TSPAN18: variants seen among roughly 807,000 people sequenced by gnomAD.
TSPAN18 encodes tetraspanin 18, also known as tetraspanin-18.
In TSPAN18, 14 loss-of-function variants were observed where a neutral mutation model predicts 27.3. The ratio of observed to expected loss-of-function variants is 0.51; its 90% CI spans 0.34 to 0.80. The LOEUF is 0.80. Ranked by LOEUF, TSPAN18 falls within the 30% of genes least tolerant of loss-of-function variation. The pLI, the probability that TSPAN18 is intolerant of heterozygous loss-of-function variation, is 0.01. For missense variants in TSPAN18, 268 were observed against 323.9 expected (o/e 0.83, Z 1.32); for synonymous variants, 143 against 136.5 (o/e 1.05, Z -0.33).
intron 4 of TSPAN18, among the ~76,000 whole-genome samples, chr11:44,909,286 C>T (rs925470468): frequency 1.1e-4 from 16 of 152,132 alleles, no homozygotes; most frequent in African/African-American, 3.9e-4. Context: ...AGGGGGCCTG[C>T]GACCAAACTC....
chr11:44,896,889 TCTA>T (rs1440120510), intron 3 of TSPAN18, among the ~76,000 whole-genome samples: 2 of 152,106 alleles, frequency 1.3e-5, no homozygotes, highest in African/African-American at 4.8e-5. Context: ...TCAGTGTACG[TCTA>T]CTGAGTGGAT....
chr11:44,863,514 C>T (rs908475110), intron 3 of TSPAN18, among the ~76,000 whole-genome samples: 1 of 152,202 alleles, frequency 6.6e-6, no homozygotes, highest in East Asian at 1.9e-4. Context: ...GCACAAAGAC[C>T]AAGAGTTCTT....
chr11:44,810,856 G>T lies in TSPAN18; in HGVS notation c.-153+46344G>T, dbSNP rs139727539. ...ACTCCTGGGCTCAAGTGATCTGCCC[G>T]CCGTGGCCTCTCAAAGTGCTAGGAT... On this transcript the variant is annotated intron_variant, in intron 2 of 9. Coordinates refer to ENST00000520358, the MANE Select transcript of TSPAN18 (RefSeq NM_130783.5). Among the ~76,000 whole-genome samples the T allele has an allele frequency of 5.3e-3, 807 of 152,054 alleles. 3 individuals are homozygous for T. Among genetic ancestry groups the T allele is most frequent in the African/African-American group, 0.019 (781 of 41,458 alleles).
chr11:44,861,699 C>G (rs1857891162), intron 3 of TSPAN18, among the ~76,000 whole-genome samples: 1 of 151,044 alleles, frequency 6.6e-6, no homozygotes, highest in Admixed American at 6.6e-5. Context: ...CGCATGTGTC[C>G]CAGTTGGGAT....
At chr11:44,843,497 G>A (rs1857417676) in intron 2 of TSPAN18, among the ~76,000 whole-genome samples, 1 of 152,194 alleles carries the variant, frequency 6.6e-6, no homozygotes, top group African/African-American at 2.4e-5. Flanking sequence ...GAAGTTTCGG[G>A]CACCATTGTC....
intron 2 of TSPAN18, among the ~76,000 whole-genome samples, chr11:44,798,167 T>C (rs1200149799): frequency 6.6e-6 from 1 of 152,100 alleles, no homozygotes; most frequent in African/African-American, 2.4e-5. Flanking sequence ...CCTCCCACAC[T>C]CAGCTCTTAG....
At chr11:44,781,306 T>C (rs573476073) in intron 2 of TSPAN18, among the ~76,000 whole-genome samples, 2 of 152,350 alleles carry the variant, frequency 1.3e-5, no homozygotes, top group East Asian at 1.9e-4. Flanking sequence ...AGCTCTTCCA[T>C]GCAGGTCCAG....
chr11:44,834,256 G>C (rs1857216686), intron 2 of TSPAN18, among the ~76,000 whole-genome samples: 1 of 152,104 alleles, frequency 6.6e-6, no homozygotes, highest in African/African-American at 2.4e-5. Context: ...GGGCACCTCT[G>C]GCAAAAAGAC....
chr11:44,831,593 A>C (rs1857154919), intron 2 of TSPAN18, among the ~76,000 whole-genome samples: 1 of 152,182 alleles, frequency 6.6e-6, no homozygotes, highest in African/African-American at 2.4e-5. Context: ...AGCTTGGGTT[A>C]TCAGAGCATT....
chr11:44,837,164 G>T (rs1422686443), intron 2 of TSPAN18, among the ~76,000 whole-genome samples: 1 of 152,254 alleles, frequency 6.6e-6, no homozygotes, highest in Non-Finnish European at 1.5e-5. Context: ...TTACTGGAAA[G>T]GATTCACCAT....
At position 44,902,938 on chromosome 11, in the gene TSPAN18, C is replaced by A. The variant is rs1005232800; in HGVS notation, c.-10-3469C>A. 3.9e-5 allele frequency among the ~76,000 whole-genome samples: 6 copies of A among 152,288 alleles called. No individual in the cohort carries two copies. The South Asian group carries it at 6.2e-4, about 16-fold the overall frequency. ...CGAGGAGGATACGAATGACTGGAAG[C>A]ATGCCTTAGCCCAGCACCAGGCTTC... On this transcript the variant is annotated intron_variant, in intron 3 of 9. Transcript: ENST00000520358.
At position 44,773,272 on chromosome 11, in the gene TSPAN18, C is replaced by T. The variant is rs142413117; in HGVS notation, c.-153+8760C>T. Among the ~76,000 whole-genome samples, 1,257 of 151,966 alleles carry T rather than the reference C, an allele frequency of 8.3e-3. 13 individuals carry two copies. Among genetic ancestry groups the T allele is most frequent in the African/African-American group, 0.029 (1,195 of 41,482 alleles). ...TCTCTACTAAAAATATAAAATTAGC[C>T]GGGCGTGGTGGCACATGCCTGTAAT... is the stretch of plus-strand genomic sequence containing the variant. On this transcript the variant is annotated intron_variant, in intron 2 of 9. Coordinates refer to ENST00000520358, the MANE Select transcript of TSPAN18 (RefSeq NM_130783.5).
intron 9 of TSPAN18, 27 bp from the exon 10 acceptor site, chr11:44,929,104 G>A: frequency 6.2e-7 from 1 of 1,612,774 alleles, no homozygotes; most frequent in Non-Finnish European, 8.5e-7. Flanking sequence ...TGATAAGCCA[G>A]TTCCTGCTCT....
chr11:44,924,436 C>T (rs1200216069), intron 8 of TSPAN18, among the ~76,000 whole-genome samples: 1 of 152,150 alleles, frequency 6.6e-6, no homozygotes, highest in African/African-American at 2.4e-5. Flanking sequence ...TGGCTGGGAC[C>T]CTAGGCAACC....
rs1317322283 is a variant in TSPAN18, at chr11:44,926,682, C to A, written c.624C>A (p.Tyr208Ter). ...TCATCCCTCCCTCCCAGGGCTGTTA[C>A]ACGGTGATCCTCAACACCTTCGAGA... is the stretch of plus-strand genomic sequence containing the variant. ...RSLFLNKQGC[Y>*]TVILNTFETY... Residue 208 changes from tyrosine to a stop codon, truncating the protein, a stop_gained, in exon 9 of 10, where the codon TAC (tyrosine) becomes TAA (stop). Transcript: ENST00000520358. LOFTEE classifies it high-confidence loss of function. 6.2e-7 allele frequency: 1 copy of A among 1,614,024 alleles called. No homozygotes were observed. The highest frequency in any genetic ancestry group is 1.3e-5 in the African/African-American group (1 of 74,928).
intron 2 of TSPAN18, among the ~76,000 whole-genome samples, chr11:44,800,631 C>T (rs1856459256): frequency 6.6e-6 from 1 of 152,232 alleles, no homozygotes. Context: ...GCCAGAGCCC[C>T]TTTCTGGGCT....
chr11:44,764,943 T>G (rs1397879922), intron 2 of TSPAN18, among the ~76,000 whole-genome samples: 1 of 152,150 alleles, frequency 6.6e-6, no homozygotes, highest in Non-Finnish European at 1.5e-5. Flanking sequence ...TCGATAATCT[T>G]TTGGACAAAG....
chr11:44,772,620 G>A (rs1855713327), intron 2 of TSPAN18, among the ~76,000 whole-genome samples: 1 of 152,110 alleles, frequency 6.6e-6, no homozygotes, highest in Admixed American at 6.5e-5. Flanking sequence ...GTAATACACT[G>A]TATTGGGAGT....
chr11:44,751,342 G>C (rs1855205969), intron 1 of TSPAN18, among the ~76,000 whole-genome samples: 1 of 152,120 alleles, frequency 6.6e-6, no homozygotes, highest in Non-Finnish European at 1.5e-5. Flanking sequence ...AGACAGACAG[G>C]CTCCAGGGCC....
Sources: allele counts gnomAD v4.1 joint callset (sites outside exome capture counted in the v4.1 genomes callset), GRCh38; gene constraint gnomAD v4.1.1; transcripts MANE v1.5; gene names NCBI Gene and HGNC (gene_info 2026-07-23, HGNC 2026-07-21).